The following SPIRE2 variants were observed in gnomAD, a reference collection of about 807,000 sequenced individuals.
The protein encoded by SPIRE2 is protein spire homolog 2.
In SPIRE2, 76 loss-of-function variants were observed where a neutral mutation model predicts 80.7. The ratio of observed to expected loss-of-function variants is 0.94; its 90% CI spans 0.78 to 1.14. The LOEUF is 1.14. Ranked by LOEUF, SPIRE2 falls within the 50% of genes most tolerant of loss-of-function variation. SPIRE2 has a pLI of 0.00. For missense variants in SPIRE2, 1,196 were observed against 1,015.3 expected (o/e 1.18, Z -2.42); for synonymous variants, 535 against 432.6 (o/e 1.24, Z -2.94).
chr16:89,829,144 GCTGGGGCGACTCCTCCC>G (rs2083688906), intron 1 of SPIRE2, among the ~76,000 whole-genome samples: 1 of 152,104 alleles, frequency 6.6e-6, no homozygotes. Context: ...GCTGGCCTTT[GCTGGGGCGACTCCTCCC>G]CTGCCTTCAG....
intron 6 of SPIRE2, 107 bp from the exon 7 acceptor site, chr16:89,856,006 C>G: frequency 6.6e-7 from 1 of 1,515,150 alleles, no homozygotes; most frequent in Non-Finnish European, 8.9e-7. Context: ...AGAGTGGGCC[C>G]GTGTCATGGT....
chr16:89,855,732 T>A, intron 6 of SPIRE2, 46 bp downstream of exon 6: 1 of 1,580,664 alleles, frequency 6.3e-7, no homozygotes, highest in Non-Finnish European at 8.7e-7. Context: ...CGGGGCCTGG[T>A]GCTGTCCTGT....
Position 89,858,522 on chromosome 16 carries a change from G to A in SPIRE2, c.1272+15G>A, listed in dbSNP as rs747767411. On this transcript the variant is annotated intron_variant, in intron 8 of 14. Coordinates refer to ENST00000378247, the MANE Select transcript of SPIRE2 (RefSeq NM_032451.2). ...ATACATCTGAGGTCAGAACCCATGG[G>A]GATTCCTGAAAAGAGACCAGGAATG... is the stretch of plus-strand genomic sequence containing the variant. 1 of 1,547,674 alleles carries A rather than the reference G, an allele frequency of 6.5e-7. No individual in the cohort carries two copies. Among genetic ancestry groups the A allele is most frequent in the East Asian group, 2.3e-5 (1 of 42,696 alleles).
intron 14 of SPIRE2, 152 bp from the exon 15 acceptor site, chr16:89,869,898 A>G: frequency 4.1e-6 from 3 of 729,820 alleles, no homozygotes; most frequent in Non-Finnish European, 6.9e-6. Context: ...GTCTGCTGAG[A>G]TGAACACTGC....
At chr16:89,850,264 C>G (rs748530321) in intron 2 of SPIRE2, 40 bp from the exon 3 acceptor site, 2 of 1,572,680 alleles carry the variant, frequency 1.3e-6, no homozygotes, top group Admixed American at 1.7e-5. Flanking sequence ...CGCCCCACCC[C>G]CCTGCAGTAC....
At chr16:89,864,857 G>T (rs1475587355) in intron 12 of SPIRE2, among the ~76,000 whole-genome samples, 1 of 152,116 alleles carries the variant, frequency 6.6e-6, no homozygotes, top group Non-Finnish European at 1.5e-5. Context: ...CCAGTACTCA[G>T]CAAGATAAAA....
At chr16:89,849,327 G>A (rs886307207) in intron 2 of SPIRE2, among the ~76,000 whole-genome samples, 7 of 152,214 alleles carry the variant, frequency 4.6e-5, no homozygotes, top group African/African-American at 1.4e-4. Context: ...TTGGGCAGTC[G>A]AGACTGTGTT....
chr16:89,855,744 G>GCA, intron 6 of SPIRE2, 58 bp downstream of exon 6: 1 of 1,551,856 alleles, frequency 6.4e-7, no homozygotes, highest in South Asian at 1.1e-5. Flanking sequence ...CTGTCCTGTA[G>GCA]CCAGCCTGGG....
intron 1 of SPIRE2, among the ~76,000 whole-genome samples, chr16:89,844,437 A>G (rs1311121247): frequency 6.6e-6 from 1 of 150,498 alleles, no homozygotes; most frequent in Non-Finnish European, 1.5e-5. Flanking sequence ...CAGCCTCCCA[A>G]AGTAATTTTT....
intron 1 of SPIRE2, among the ~76,000 whole-genome samples, chr16:89,833,596 G>C (rs567264895): frequency 2.6e-5 from 4 of 152,350 alleles, no homozygotes; most frequent in Non-Finnish European, 5.9e-5. Context: ...GAGAAGCTTC[G>C]CCTTTGTGCC....
chr16:89,870,094 C>A lies in SPIRE2; in HGVS notation c.1967C>A (p.Pro656His). ...TGGCAGAGCGTGGAGGAGGCGTTCC[C>A]CCACATCTACTCCCACGGCTGTGTC... is the stretch of plus-strand genomic sequence containing the variant. ...PQWQSVEEAF[P>H]HIYSHGCVLK... The change falls in exon 15 of 15, where the codon CCC becomes CAC. Residue 656 changes from proline (P) to histidine (H), a missense_variant. Pro to His is a moderately conservative substitution (Grantham distance 77). Coordinates refer to ENST00000378247, the MANE Select transcript of SPIRE2 (RefSeq NM_032451.2). 1 of 1,613,614 alleles carries A rather than the reference C, an allele frequency of 6.2e-7. No individual in the cohort carries two copies. Among genetic ancestry groups the A allele is most frequent in the East Asian group, 2.2e-5 (1 of 44,860 alleles).
At chr16:89,861,799 G>A (rs2041746756) in intron 10 of SPIRE2, among the ~76,000 whole-genome samples, 1 of 152,188 alleles carries the variant, frequency 6.6e-6, no homozygotes, top group African/African-American at 2.4e-5. Flanking sequence ...GTCCCTTGCT[G>A]TGTAGGCCTC....
chr16:89,844,500 G>A (rs548213591), intron 1 of SPIRE2, among the ~76,000 whole-genome samples: 4 of 151,112 alleles, frequency 2.6e-5, no homozygotes, highest in African/African-American at 4.9e-5. Flanking sequence ...GTGCAGTGGT[G>A]CAATCTCGGC....
intron 7 of SPIRE2, among the ~76,000 whole-genome samples, chr16:89,856,531 G>GC (rs2041693475): frequency 2.6e-5 from 4 of 151,796 alleles, no homozygotes; most frequent in African/African-American, 9.7e-5. Context: ...TGCAACCTCC[G>GC]CCCCCCGGGT....
At chr16:89,854,438 G>A (rs755926628) in intron 4 of SPIRE2, 49 bp from the exon 5 acceptor site, 6 of 1,610,254 alleles carry the variant, frequency 3.7e-6, no homozygotes, top group East Asian at 2.2e-5. Flanking sequence ...CTGGGGGGCC[G>A]TGGAGCTTCA....
chr16:89,837,968 C>T (rs777587154), intron 1 of SPIRE2, among the ~76,000 whole-genome samples: 1 of 152,094 alleles, frequency 6.6e-6, no homozygotes, highest in Admixed American at 6.6e-5. Context: ...GGGCGTTTCT[C>T]CCTCTGGGCT....
intron 2 of SPIRE2, chr16:89,845,826 G>T: frequency 1.8e-6 from 1 of 550,928 alleles, no homozygotes; most frequent in South Asian, 2.5e-5. Flanking sequence ...GTCATGTCTG[G>T]AACGTCATGT....
At chr16:89,833,691 G>C (rs1468489255) in intron 1 of SPIRE2, among the ~76,000 whole-genome samples, 1 of 152,232 alleles carries the variant, frequency 6.6e-6, no homozygotes, top group African/African-American at 2.4e-5. Context: ...CGGAAGCACT[G>C]GCCAGTGGAG....
intron 2 of SPIRE2, among the ~76,000 whole-genome samples, chr16:89,849,458 T>C (rs542590650): frequency 5.3e-5 from 8 of 152,368 alleles, no homozygotes; most frequent in East Asian, 3.9e-4. Context: ...GCTGTCGTTA[T>C]ATTTGTGTGT....
Sources: allele counts gnomAD v4.1 joint callset (sites outside exome capture counted in the v4.1 genomes callset), GRCh38; gene constraint gnomAD v4.1.1; transcripts MANE v1.5; gene names NCBI Gene and HGNC (gene_info 2026-07-23, HGNC 2026-07-21).